Variants in OR2L13 observed in about 807,000 individuals in gnomAD.
OR2L13 encodes the protein olfactory receptor 2L13.
A neutral mutation model predicts 15.3 loss-of-function variants in OR2L13; 14 were observed. That is an observed-to-expected ratio of 0.91 (90% CI 0.60 to 1.43). OR2L13 has a LOEUF of 1.43. Among genes scored for constraint, OR2L13 ranks in the 40% most tolerant of loss-of-function variants. The pLI is 0.00. For missense variants in OR2L13, 367 were observed against 387.9 expected, an observed-to-expected ratio of 0.95 and a Z score of 0.45; for synonymous variants, 152 against 142.9, an observed-to-expected ratio of 1.06 and a Z score of -0.45.
the OR2L13 span, among the ~76,000 whole-genome samples, chr1:247,993,331 G>C: frequency 1.4e-5 from 2 of 139,616 alleles, no homozygotes; most frequent in African/African-American, 5.7e-5. Flanking sequence ...TAGGTTGGCT[G>C]TTTCCTCGTT....
the OR2L13 span, among the ~76,000 whole-genome samples, chr1:248,076,333 C>G: frequency 1.2e-4 from 18 of 152,086 alleles, no homozygotes; most frequent in Non-Finnish European, 2.9e-5. Flanking sequence ...AATGTGGGCT[C>G]TTTTTGGTTC....
chr1:247,938,047 TTAAA>T, the OR2L13 span, among the ~76,000 whole-genome samples: 12 of 152,256 alleles, frequency 7.9e-5, no homozygotes, highest in East Asian at 3.9e-4. Context: ...ATTAAGGACC[TTAAA>T]TAAACTATGA....
the OR2L13 span, among the ~76,000 whole-genome samples, chr1:248,048,525 T>C: frequency 3.3e-5 from 5 of 152,220 alleles, no homozygotes; most frequent in East Asian, 1.9e-4. Flanking sequence ...GTCATCTGAT[T>C]GACATTCTAG....
At chr1:248,035,595 A>T in the OR2L13 span, 4 of 152,200 alleles carry the variant, frequency 2.6e-5, no homozygotes, top group Admixed American at 2.6e-4. Context: ...AAAATATTGG[A>T]CCCATAACAG....
chr1:248,016,768 T>C, the OR2L13 span, among the ~76,000 whole-genome samples: 2,099 of 152,114 alleles, frequency 0.014, 17 homozygotes, highest in Middle Eastern at 0.028. Context: ...GATATGTATG[T>C]GTGTATATAA....
At chr1:247,953,428 T>G in the OR2L13 span, among the ~76,000 whole-genome samples, 1 of 152,206 alleles carries the variant, frequency 6.6e-6, no homozygotes, top group Admixed American at 6.5e-5. Context: ...AGATTTCTTA[T>G]GTATTACATT....
chr1:247,977,010 A>G, the OR2L13 span, among the ~76,000 whole-genome samples: 2 of 152,174 alleles, frequency 1.3e-5, no homozygotes, highest in Non-Finnish European at 2.9e-5. Flanking sequence ...TGCTTGTTCA[A>G]CTTTATCTTT....
At chr1:247,983,518 G>A in the OR2L13 span, among the ~76,000 whole-genome samples, 17 of 152,174 alleles carry the variant, frequency 1.1e-4, 1 homozygote, top group South Asian at 2.1e-3. Context: ...TAGCTATTTT[G>A]GTGGATAAAA....
At position 248,099,656 on chromosome 1, in the gene OR2L13, TGG is replaced by T. The variant is rs779150696; in HGVS notation, c.283_284del (p.Gly95MetfsTer15). The T allele has an allele frequency of 1.9e-6, 3 of 1,614,048 alleles. No homozygotes were observed. Among genetic ancestry groups the T allele is most frequent in the Non-Finnish European group, 2.5e-6 (3 of 1,180,034 alleles). ...TCCGGCCAGAAAGGCATCTCCTTCC[TGG>T]GATGTGGTGTGCAAAGCTTCTTCTT... is the stretch of plus-strand genomic sequence containing the variant. On this transcript the variant is annotated frameshift_variant, in exon 3 of 3. Coordinates refer to ENST00000641714, the Ensembl canonical transcript of OR2L13. LOFTEE classifies it high-confidence loss of function.
the OR2L13 span, among the ~76,000 whole-genome samples, chr1:247,987,882 G>C: frequency 1.3e-5 from 2 of 151,972 alleles, no homozygotes; most frequent in Non-Finnish European, 2.9e-5. Flanking sequence ...TCATCTGATA[G>C]AATCTATTGA....
chr1:248,059,640 C>G, the OR2L13 span, among the ~76,000 whole-genome samples: 1 of 152,160 alleles, frequency 6.6e-6, no homozygotes, highest in South Asian at 2.1e-4. Flanking sequence ...AATAAATGAA[C>G]CACAAAATGA....
At chr1:248,083,881 A>G in the OR2L13 span, 1 of 1,610,826 alleles carries the variant, frequency 6.2e-7, no homozygotes, top group Non-Finnish European at 8.5e-7. Context: ...TGTGAAGAGC[A>G]GGTGGCGAAG....
the OR2L13 span, among the ~76,000 whole-genome samples, chr1:248,002,673 A>G: frequency 6.6e-6 from 1 of 152,130 alleles, no homozygotes; most frequent in Non-Finnish European, 1.5e-5. Flanking sequence ...CCTGTGTAAC[A>G]CGGTGAAACC....
chr1:248,100,266 G>C, exon 3 of OR2L13: 5 of 1,612,750 alleles, frequency 3.1e-6, no homozygotes, highest in Non-Finnish European at 4.2e-6. Flanking sequence ...AGGAAGTCCT[G>C]GGGGCTATGA....
At chr1:247,958,191 C>T in the OR2L13 span, among the ~76,000 whole-genome samples, 5 of 152,194 alleles carry the variant, frequency 3.3e-5, no homozygotes, top group Middle Eastern at 3.4e-3. Context: ...GCCTTCATTT[C>T]GTTATGTACC....
the OR2L13 span, among the ~76,000 whole-genome samples, chr1:247,938,688 ATTTTTC>A: frequency 1.3e-5 from 2 of 152,100 alleles, no homozygotes; most frequent in African/African-American, 2.4e-5. Context: ...ACACACATAT[ATTTTTC>A]TTAATAAAGA....
the OR2L13 span, among the ~76,000 whole-genome samples, chr1:248,004,927 T>C: frequency 3.3e-5 from 5 of 152,202 alleles, no homozygotes; most frequent in Non-Finnish European, 7.3e-5. Context: ...AGAAAGATTC[T>C]GCATGTTCTC....
chr1:247,955,238 G>A, the OR2L13 span, among the ~76,000 whole-genome samples: 27 of 152,024 alleles, frequency 1.8e-4, no homozygotes, highest in Non-Finnish European at 3.4e-4. Flanking sequence ...TGAGAACGAT[G>A]GTTTCCAGCT....
At chr1:247,985,667 C>A in the OR2L13 span, among the ~76,000 whole-genome samples, 3 of 152,012 alleles carry the variant, frequency 2.0e-5, no homozygotes, top group Admixed American at 6.6e-5. Flanking sequence ...TAGTTCTAGA[C>A]CCCTGAGGAA....
Sources: gnomAD v4.1 joint callset for allele counts (sites outside exome capture counted in the v4.1 genomes callset) on GRCh38, gnomAD v4.1.1 for gene constraint, MANE v1.5 for transcripts, NCBI Gene and HGNC (gene_info 2026-07-23, HGNC 2026-07-21) for gene names.